Variants in RASEF observed in about 807,000 individuals in gnomAD.
RASEF encodes ras and EF-hand domain-containing protein.
In RASEF, 68 loss-of-function variants were observed where a neutral mutation model predicts 90.1. That is an observed-to-expected ratio of 0.75 (90% CI 0.62 to 0.92). RASEF has a LOEUF of 0.92. Among genes scored for constraint, RASEF ranks in the 40% least tolerant of loss-of-function variants. The probability of loss-of-function intolerance (pLI) is 0.00; values close to 1 mark genes in which losing one functional copy is unlikely to be tolerated. For missense variants in RASEF, 949 were observed against 937.2 expected (o/e 1.01, Z -0.16); for synonymous variants, 331 against 345.2 (o/e 0.96, Z 0.46).
chr9:83,159,450 C>G, the RASEF span, among the ~76,000 whole-genome samples: 1 of 152,070 alleles, frequency 6.6e-6, no homozygotes, highest in Non-Finnish European at 1.5e-5. Context: ...CTTTGAAAAG[C>G]TCCAATTATA....
chr9:83,101,024 CTTTT>C, the RASEF span, among the ~76,000 whole-genome samples: 1 of 152,076 alleles, frequency 6.6e-6, no homozygotes, highest in African/African-American at 2.4e-5. Flanking sequence ...TCAAATATTT[CTTTT>C]TTTGAGTAGT....
At chr9:83,120,462 G>T in the RASEF span, among the ~76,000 whole-genome samples, 2 of 152,120 alleles carry the variant, frequency 1.3e-5, no homozygotes, top group Admixed American at 6.6e-5. Context: ...CCTAGAATTT[G>T]CCAGCCATGG....
intron 6 of RASEF, 127 bp downstream of exon 6, chr9:83,009,514 C>A (rs962364151): frequency 1.2e-5 from 6 of 501,950 alleles, no homozygotes; most frequent in East Asian, 6.1e-5. Flanking sequence ...AAAATAAAAT[C>A]ATTAGAAAGT....
the RASEF span, among the ~76,000 whole-genome samples, chr9:83,209,432 C>T: frequency 6.6e-6 from 1 of 152,172 alleles, no homozygotes; most frequent in Admixed American, 6.5e-5. Flanking sequence ...TAAAAAGAGA[C>T]ATTTTTTAAA....
the RASEF span, among the ~76,000 whole-genome samples, chr9:83,093,587 T>C: frequency 0.021 from 3,156 of 152,284 alleles, 90 homozygotes; most frequent in African/African-American, 0.072. Flanking sequence ...GCCGAGCCGG[T>C]CGGCTGCTCC....
intron 1 of RASEF, chr9:83,048,667 T>A: frequency 1.0e-6 from 1 of 985,414 alleles, no homozygotes; most frequent in Non-Finnish European, 1.2e-6. Flanking sequence ...GATTGGGAGA[T>A]TTAACATTTA....
chr9:83,192,366 T>C, the RASEF span, among the ~76,000 whole-genome samples: 3 of 152,204 alleles, frequency 2.0e-5, no homozygotes, highest in Non-Finnish European at 4.4e-5. Context: ...CATGGAATAC[T>C]ATGTAGCCGT....
At chr9:83,057,830 CATATATTCATATATACAT>C (rs1037994249) in intron 1 of RASEF, among the ~76,000 whole-genome samples, 9 of 116,848 alleles carry the variant, frequency 7.7e-5, no homozygotes, top group African/African-American at 2.8e-4. Context: ...TTCATATATA[CATATATTCATATATACAT>C]ATATATATAT....
intron 7 of RASEF, among the ~76,000 whole-genome samples, chr9:83,007,034 C>T (rs980798725): frequency 5.5e-5 from 8 of 146,382 alleles, no homozygotes. Flanking sequence ...GCAGAGCTTG[C>T]AGTGAGCCGA....
At chr9:83,091,668 T>C in the RASEF span, among the ~76,000 whole-genome samples, 8 of 152,244 alleles carry the variant, frequency 5.3e-5, no homozygotes, top group Admixed American at 3.9e-4. Context: ...GCAGCTGTTA[T>C]CCATTTCCTC....
chr9:83,058,830 TTTG>T (rs1405298565), intron 1 of RASEF, among the ~76,000 whole-genome samples: 3 of 152,220 alleles, frequency 2.0e-5, no homozygotes, highest in Admixed American at 1.3e-4. Context: ...CTCAATTAAA[TTTG>T]TTTTTAAATT....
chr9:83,123,101 G>T, the RASEF span, among the ~76,000 whole-genome samples: 3 of 152,264 alleles, frequency 2.0e-5, no homozygotes, highest in South Asian at 4.1e-4. Flanking sequence ...TTAGCTGGGT[G>T]TGGTGGCGTA....
At chr9:83,008,970 T>C (rs566979557) in intron 6 of RASEF, among the ~76,000 whole-genome samples, 108 of 140,618 alleles carry the variant, frequency 7.7e-4, no homozygotes, top group Non-Finnish European at 1.5e-3. Flanking sequence ...TATAAATATA[T>C]ATATACTCTC....
the RASEF span, among the ~76,000 whole-genome samples, chr9:83,136,962 T>C: frequency 6.6e-6 from 1 of 152,094 alleles, no homozygotes; most frequent in Non-Finnish European, 1.5e-5. Flanking sequence ...TCTTCAAAAA[T>C]GAAAAAGTTA....
the RASEF span, among the ~76,000 whole-genome samples, chr9:83,158,970 A>G: frequency 6.6e-6 from 1 of 151,786 alleles, no homozygotes. Context: ...GTAGATCACA[A>G]GGTCAGGAGA....
At chr9:83,097,342 G>A in the RASEF span, among the ~76,000 whole-genome samples, 1 of 152,138 alleles carries the variant, frequency 6.6e-6, no homozygotes, top group Non-Finnish European at 1.5e-5. Flanking sequence ...GTGTGGCATG[G>A]GCAAGGACTT....
chr9:83,105,887 A>C, the RASEF span, among the ~76,000 whole-genome samples: 1 of 152,194 alleles, frequency 6.6e-6, no homozygotes, highest in Non-Finnish European at 1.5e-5. Flanking sequence ...GCCTAGAAGA[A>C]CACCACCCAA....
the RASEF span, among the ~76,000 whole-genome samples, chr9:83,128,248 C>T: frequency 3.3e-5 from 5 of 151,970 alleles, no homozygotes; most frequent in African/African-American, 4.8e-5. Flanking sequence ...GGCAGTCAAA[C>T]GCCTAGGCAG....
chr9:83,166,860 C>T, the RASEF span, among the ~76,000 whole-genome samples: 1 of 152,156 alleles, frequency 6.6e-6, no homozygotes, highest in South Asian at 2.1e-4. Context: ...CAAACCTCAG[C>T]ACCACTAAAC....
Sources: gnomAD v4.1 joint callset for allele counts (sites outside exome capture counted in the v4.1 genomes callset) on GRCh38, gnomAD v4.1.1 for gene constraint, MANE v1.5 for transcripts, NCBI Gene and HGNC (gene_info 2026-07-23, HGNC 2026-07-21) for gene names.